FBN2: variants seen among roughly 807,000 people sequenced by gnomAD.
The protein encoded by FBN2 is fibrillin-2.
FBN2 carries 105 observed loss-of-function variants against 355.6 expected under a neutral mutation model. That is an observed-to-expected ratio of 0.30 (90% confidence interval 0.25 to 0.35). The LOEUF is 0.35. Ranked by LOEUF, FBN2 falls within the 10% of genes least tolerant of loss-of-function variation. The pLI, the probability that FBN2 is intolerant of heterozygous loss-of-function variation, is 1.00. For synonymous variants in FBN2, 1,350 were observed against 1,301.2 expected (o/e 1.04, Z -0.81); for missense variants, 3,280 against 3,758.7 (o/e 0.87, Z 3.33).
At chr5:128,326,104 T>C (rs1420872896) in intron 34 of FBN2, among the ~76,000 whole-genome samples, 2 of 152,236 alleles carry the variant, frequency 1.3e-5, no homozygotes, top group East Asian at 1.9e-4. Context: ...AATGCCTGCA[T>C]AGTTGCTACT....
At chr5:128,516,939 G>T (rs1467249313) in intron 5 of FBN2, among the ~76,000 whole-genome samples, 1 of 152,104 alleles carries the variant, frequency 6.6e-6, no homozygotes, top group Admixed American at 6.6e-5. Context: ...AGTGCAACTT[G>T]TTAACTCCTT....
intron 56 of FBN2, among the ~76,000 whole-genome samples, chr5:128,279,570 T>C (rs2126810339): frequency 6.6e-6 from 1 of 152,246 alleles, no homozygotes; most frequent in Middle Eastern, 3.4e-3. Flanking sequence ...AAATGTGATA[T>C]AGTTGAAATA....
At chr5:128,512,748 C>T (rs1756165253) in intron 5 of FBN2, among the ~76,000 whole-genome samples, 1 of 152,066 alleles carries the variant, frequency 6.6e-6, no homozygotes. Flanking sequence ...TAGGTCGCAA[C>T]ATTCTTTTTT....
intron 26 of FBN2, 22 bp downstream of exon 26, chr5:128,338,911 A>T: frequency 6.2e-7 from 1 of 1,613,320 alleles, no homozygotes. Flanking sequence ...CAAGCTGGCG[A>T]GGAAGAGCTC....
intron 6 of FBN2, among the ~76,000 whole-genome samples, chr5:128,456,019 A>AAAAAAAAAAAAAAAAAAAAC: frequency 6.8e-6 from 1 of 147,440 alleles, no homozygotes; most frequent in Non-Finnish European, 1.5e-5. Flanking sequence ...AAAAAAAAAA[A>AAAAAAAAAAAAAAAAAAAAC]AAAAGCAACT....
intron 6 of FBN2, among the ~76,000 whole-genome samples, chr5:128,458,996 A>C (rs377417519): frequency 6.6e-6 from 1 of 152,128 alleles, no homozygotes; most frequent in African/African-American, 2.4e-5. Context: ...TCCAAAAAAA[A>C]ATAAATGAAT....
intron 11 of FBN2, among the ~76,000 whole-genome samples, chr5:128,391,219 G>T (rs965186093): frequency 2.6e-5 from 4 of 152,108 alleles, no homozygotes; most frequent in Admixed American, 6.5e-5. Flanking sequence ...TTATCTGAAA[G>T]TCTATGCAAT....
rs572914526 is a variant in FBN2 at position 128,260,796 on chromosome 5, G to A, written c.8364+940C>T. Among the ~76,000 whole-genome samples the A allele has an allele frequency of 9.8e-4, 144 of 146,922 alleles. 2 individuals are homozygous for A. The highest frequency in any genetic ancestry group is 3.6e-3 in the African/African-American group (131 of 36,482). On this transcript the variant is annotated intron_variant, in intron 64 of 64. Coordinates refer to ENST00000262464, the MANE Select transcript of FBN2 (RefSeq NM_001999.4). ...CAAAGATTCTGAGGCCCAAAAAACT[G>A]AAGCAAGTTGTCCAATTCACACAGC... is the stretch of plus-strand genomic sequence containing the variant.
intron 14 of FBN2, among the ~76,000 whole-genome samples, chr5:128,376,100 T>C (rs1046692748): frequency 1.3e-5 from 2 of 152,134 alleles, no homozygotes; most frequent in Non-Finnish European, 2.9e-5. Flanking sequence ...GCAAAATGTA[T>C]TATTCCACTT....
chr5:128,312,740 C>A lies in FBN2; in HGVS notation c.4773G>T (p.Leu1591=), dbSNP rs753387547. 27 of 1,613,798 alleles carry A rather than the reference C, an allele frequency of 1.7e-5. No individual in the cohort carries two copies. Among genetic ancestry groups the A allele is most frequent in the Non-Finnish European group, 2.2e-5 (26 of 1,179,972 alleles). ...CCACCCCGATCTCGGTGTTGCAAGA[C>A]AGACTCCCATCTCCTCGAGGTCCAA... The part of the protein sequence containing the change: ...LKFGPRGDGS[L]SCNTEIGVGV... The change falls in exon 37 of 65, where the codon CTG becomes CTT. Residue 1591 remains leucine (L), a synonymous_variant. Transcript: ENST00000262464.
At chr5:128,287,528 C>T in intron 53 of FBN2, 98 bp from the exon 54 acceptor site, 1 of 1,346,260 alleles carries the variant, frequency 7.4e-7, no homozygotes, top group Non-Finnish European at 1.1e-6. Flanking sequence ...ATACACAAAG[C>T]AATAGAATAG....
chr5:128,330,835 A>G, intron 32 of FBN2, 140 bp from the exon 33 acceptor site: 1 of 950,664 alleles, frequency 1.1e-6, no homozygotes, highest in Non-Finnish European at 1.6e-6. Context: ...CTAATTCGCT[A>G]AGCTCTCAGA....
intron 32 of FBN2, among the ~76,000 whole-genome samples, chr5:128,331,887 C>T (rs1002013371): frequency 6.6e-6 from 1 of 151,560 alleles, no homozygotes; most frequent in African/African-American, 2.4e-5. Flanking sequence ...AAATGGGAGG[C>T]CAAAAAGAGA....
intron 34 of FBN2, among the ~76,000 whole-genome samples, chr5:128,322,730 C>T (rs746829222): frequency 6.6e-6 from 1 of 152,110 alleles, no homozygotes; most frequent in Non-Finnish European, 1.5e-5. Context: ...ATGCCTCCAG[C>T]TTTGTTCTTT....
Position 128,408,695 on chromosome 5 carries a change from T to C in FBN2, c.1057A>G (p.Thr353Ala), listed in dbSNP as rs149992874. 77 of 1,613,914 alleles carry C rather than the reference T, an allele frequency of 4.8e-5. No individual in the cohort carries two copies. In the African/African-American group the frequency reaches 9.9e-4, roughly 21 times the overall value. ...TTACCGATGCATCGAGAGCCATCTG[T>C]TGAGGTTACATATCCACGTGGACAA... ...CVCPRGYVTS[T>A]DGSRCIDQRT... The change falls in exon 8 of 65, where the codon ACA becomes GCA. Residue 353 changes from threonine (T) to alanine (A), a missense_variant. By Grantham distance (58) the Thr-to-Ala change is moderately conservative. This residue lies in a region of FBN2 where 343 missense variants were observed against 331.0 expected (regional missense o/e 1.04). Coordinates refer to ENST00000262464, the MANE Select transcript of FBN2 (RefSeq NM_001999.4).
intron 5 of FBN2, among the ~76,000 whole-genome samples, chr5:128,467,203 T>C (rs1468521144): frequency 5.9e-5 from 9 of 152,178 alleles, no homozygotes; most frequent in Admixed American, 5.2e-4. Context: ...GGGGAATATC[T>C]GGACAAGGAC....
chr5:128,438,963 C>G lies in FBN2; in HGVS notation c.952+7518G>C, dbSNP rs77238853. 2.3e-3 allele frequency among the ~76,000 whole-genome samples: 356 copies of G among 152,226 alleles called. 2 individuals are homozygous for G. Among genetic ancestry groups the G allele is most frequent in the African/African-American group, 8.2e-3 (341 of 41,536 alleles). ...CTTCCATGGACATTCTATGCATTAA[C>G]ACACACACATACACACACACACTTT... On this transcript the variant is annotated intron_variant, in intron 7 of 64. Transcript: ENST00000262464.
rs747844189 is a variant in FBN2 at position 128,259,636 on chromosome 5, A to T, written c.8558T>A (p.Leu2853His). 6.2e-7 allele frequency: 1 copy of T among 1,614,054 alleles called. No homozygotes were observed. Among genetic ancestry groups the T allele is most frequent in the Non-Finnish European group, 8.5e-7 (1 of 1,180,010 alleles). The change falls in exon 65 of 65, where the codon CTC (leucine) becomes CAC (histidine). Residue 2853 changes from leucine (L) to histidine (H), a missense_variant. Leu to His is a moderately conservative substitution (Grantham distance 99). Coordinates refer to ENST00000262464, the MANE Select transcript of FBN2 (RefSeq NM_001999.4). ...CTTCTTGGCCGTGTGCAAGTAGCTGAGCCCATTCCTTTGGTGGATGCGGAA... is the reference window on the plus strand; with the variant it reads ...CTTCTTGGCCGTGTGCAAGTAGCTGTGCCCATTCCTTTGGTGGATGCGGAA... Reference protein sequence around the residue: ...SVFRIHQRNGLSYLHTAKKKL... With the variant: ...SVFRIHQRNGHSYLHTAKKKL...
chr5:128,494,677 G>T (rs1047402098), intron 5 of FBN2, among the ~76,000 whole-genome samples: 1 of 152,168 alleles, frequency 6.6e-6, no homozygotes, highest in Non-Finnish European at 1.5e-5. Flanking sequence ...GTCATCCCAG[G>T]TTAACTGGGC....
Sources: gnomAD v4.1 joint callset for allele counts (sites outside exome capture counted in the v4.1 genomes callset) on GRCh38, gnomAD v4.1.1 for gene constraint, gnomAD v4.1.1 regional missense constraint, MANE v1.5 for transcripts, NCBI Gene and HGNC (gene_info 2026-07-23, HGNC 2026-07-21) for gene names.